NDUFA10: variants seen among roughly 807,000 people sequenced by gnomAD.
NDUFA10 encodes the protein NADH:ubiquinone oxidoreductase subunit A10.
Under a neutral mutation model 47.8 loss-of-function variants are expected in NDUFA10, and 40 were observed. The observed-to-expected ratio is 0.84, with a 90% CI of 0.65 to 1.09. The LOEUF (loss-of-function observed/expected upper bound fraction) is 1.09. NDUFA10 is among the 50% of genes least tolerant of loss of function. NDUFA10 has a pLI of 0.00. For synonymous variants in NDUFA10, 183 were observed against 172.2 expected (o/e 1.06, Z -0.49); for missense variants, 413 against 451.1 (o/e 0.92, Z 0.76).
chr2:240,005,037 T>G (rs144498642), intron 8 of NDUFA10, among the ~76,000 whole-genome samples, 173 bp downstream of exon 8: 233 of 152,258 alleles, frequency 1.5e-3, no homozygotes, highest in African/African-American at 5.5e-3. Context: ...ACTCAATAAA[T>G]TAAGTATCAG....
chr2:239,921,075 C>T (rs1273122118), intron 4 of NDUFA10, among the ~76,000 whole-genome samples: 6 of 152,086 alleles, frequency 3.9e-5, no homozygotes, highest in African/African-American at 1.4e-4. Flanking sequence ...AGTGTGTGAT[C>T]GTTTGTCAAT....
intron 8 of NDUFA10, among the ~76,000 whole-genome samples, chr2:239,992,226 G>A (rs1377235185): frequency 6.6e-6 from 1 of 152,186 alleles, no homozygotes; most frequent in East Asian, 1.9e-4. Flanking sequence ...ATTCAAAACT[G>A]ATTGAGGATA....
intron 9 of NDUFA10, among the ~76,000 whole-genome samples, chr2:239,964,919 AAACCCAC>A (rs1460544222): frequency 6.6e-6 from 1 of 152,164 alleles, no homozygotes; most frequent in Non-Finnish European, 1.5e-5. Flanking sequence ...AACCTGCTGC[AAACCCAC>A]ACGACGGCCA....
At position 240,018,553 on chromosome 2, in the gene NDUFA10, A is replaced by G. The variant is rs1309651691; in HGVS notation, c.547T>C (p.Cys183Arg). The G allele has an allele frequency of 5.6e-6, 9 of 1,614,128 alleles. No homozygotes were observed. The highest frequency in any genetic ancestry group is 7.6e-6 in the Non-Finnish European group (9 of 1,180,050). ...AAGTGGGTCTGCAATGCTGACTCAC[A>G]CTGCTTTCGGATGAATCCCTGGTTG... ...MYNQGFIRKQ[C>R]VDHYNEVKSV... The change falls in exon 4 of 10, where the codon TGT (cysteine) becomes CGT (arginine). Residue 183 changes from cysteine to arginine, a missense_variant and splice_region_variant. Coordinates refer to ENST00000252711, the MANE Select transcript of NDUFA10 (RefSeq NM_004544.4).
intron 4 of NDUFA10, among the ~76,000 whole-genome samples, chr2:239,907,106 A>G (rs1693668251): frequency 6.6e-6 from 1 of 152,176 alleles, no homozygotes; most frequent in South Asian, 2.1e-4. Context: ...ACAATACCAC[A>G]CATCTACAAC....
chr2:239,957,281 A>G (rs1177772492), downstream of NDUFA10: 1 of 152,272 alleles, frequency 6.6e-6, no homozygotes, highest in Non-Finnish European at 1.5e-5. Context: ...GTTCACTGTA[A>G]GAAAACCCAC....
chr2:239,954,434 T>G (rs933292479), downstream of NDUFA10, among the ~76,000 whole-genome samples: 1 of 152,270 alleles, frequency 6.6e-6, no homozygotes. Context: ...TGCTCTCCTG[T>G]GTCCTCACGC....
intron 4 of NDUFA10, among the ~76,000 whole-genome samples, chr2:239,909,532 G>C (rs933388155): frequency 3.9e-5 from 6 of 152,146 alleles, no homozygotes; most frequent in Non-Finnish European, 7.3e-5. Flanking sequence ...GGAATTGCTT[G>C]AACCCAGGAG....
rs1694425564 is a variant in NDUFA10, at chr2:239,945,131, T to C, written c.294+44943A>G. 6.6e-6 allele frequency among the ~76,000 whole-genome samples: 1 copy of C among 151,908 alleles called. No homozygotes were observed. The highest frequency in any genetic ancestry group is 1.5e-5 in the Non-Finnish European group (1 of 67,960). On this transcript the variant is annotated intron_variant, in intron 4 of 5. Transcript: ENST00000419408. The surrounding 1 kb of genome is among the most constrained non-coding windows in gnomAD (Gnocchi z 4.6). ...TCCTCTACAGAAACCCAGGCACGTG[T>C]ACAGCCATCAGAGCCCCGGCACCCC...
chr2:240,009,043 C>T (rs1697046433), intron 6 of NDUFA10, among the ~76,000 whole-genome samples: 1 of 152,174 alleles, frequency 6.6e-6, no homozygotes, highest in South Asian at 2.1e-4. Context: ...TCACGTGCAA[C>T]CTCAATGGTG....
At chr2:239,939,862 C>G (rs184515761) in intron 4 of NDUFA10, among the ~76,000 whole-genome samples, 1 of 152,362 alleles carries the variant, frequency 6.6e-6, no homozygotes, top group East Asian at 1.9e-4. Context: ...CATGGCCCCT[C>G]CTGGAACCGG....
chr2:239,970,862 CCTG>C (rs1695277606), intron 9 of NDUFA10, among the ~76,000 whole-genome samples: 1 of 152,226 alleles, frequency 6.6e-6, no homozygotes, highest in Admixed American at 6.5e-5. Flanking sequence ...GTGAATCTCA[CCTG>C]CTATTATATA....
rs868357212 is a variant in NDUFA10, at chr2:239,942,410, C to T, written c.295-47096G>A. Among the ~76,000 whole-genome samples the T allele has an allele frequency of 5.3e-5, 8 of 152,332 alleles. No individual in the cohort carries two copies. The South Asian group carries it at 6.2e-4, about 12-fold the overall frequency. Reference sequence around the variant, plus strand: ...TGGTCCAGGAGCCACACTTGGAGAACGATGGATTTCTGTCAATAGCAATTT... The same window carrying T: ...TGGTCCAGGAGCCACACTTGGAGAATGATGGATTTCTGTCAATAGCAATTT... On this transcript the variant is annotated intron_variant, in intron 4 of 5. Coordinates refer to the NDUFA10 transcript ENST00000419408.
chr2:240,000,278 C>G (rs962453169), intron 8 of NDUFA10, among the ~76,000 whole-genome samples: 1 of 152,162 alleles, frequency 6.6e-6, no homozygotes, highest in African/African-American at 2.4e-5. Context: ...CAGCTCCACG[C>G]GTGTTACTGC....
chr2:240,007,231 A>G, intron 7 of NDUFA10, 85 bp downstream of exon 7: 1 of 1,003,494 alleles, frequency 1.0e-6, no homozygotes, highest in Non-Finnish European at 1.6e-6. Context: ...GACCAGTGGG[A>G]ATCTAACTGA....
intron 8 of NDUFA10, among the ~76,000 whole-genome samples, chr2:239,995,279 G>GAA (rs567435007): frequency 6.8e-6 from 1 of 147,390 alleles, no homozygotes; most frequent in Non-Finnish European, 1.5e-5. Context: ...CTGTCTCAAA[G>GAA]AAAAAAAAAA....
At chr2:239,981,625 A>G (rs1340846239) in intron 9 of NDUFA10, among the ~76,000 whole-genome samples, 2 of 152,150 alleles carry the variant, frequency 1.3e-5, no homozygotes, top group Non-Finnish European at 2.9e-5. Context: ...TCAAAGCATT[A>G]CTCGTTTTCC....
intron 4 of NDUFA10, among the ~76,000 whole-genome samples, chr2:239,900,660 G>A (rs1261732536): frequency 6.6e-6 from 1 of 152,164 alleles, no homozygotes; most frequent in East Asian, 1.9e-4. Flanking sequence ...ACTGATGGGT[G>A]GGTGTAGAAC....
rs1181150194 is a variant in NDUFA10 at position 239,959,528 on chromosome 2, T to C, written c.*1590A>G. Reference sequence around the variant, plus strand: ...GCTTTCATTTCATGATTAAAGCTGTTGGTTTCCTAGTGAAATGCAAAACTT... The same window carrying C: ...GCTTTCATTTCATGATTAAAGCTGTCGGTTTCCTAGTGAAATGCAAAACTT... On this transcript the variant is annotated 3_prime_UTR_variant, in exon 10 of 10. Transcript: ENST00000252711. The C allele has an allele frequency of 1.0e-6, 1 of 985,388 alleles. No individual in the cohort carries two copies. Among genetic ancestry groups the C allele is most frequent in the Non-Finnish European group, 1.2e-6 (1 of 829,956 alleles). 61.0% of individuals were successfully genotyped at this position (985,388 alleles called of 1,614,324 possible). A position where few individuals can be genotyped will look rare whatever the true frequency, so the allele number is the denominator to read the frequency against.
Sources: allele counts gnomAD v4.1 joint callset (sites outside exome capture counted in the v4.1 genomes callset), GRCh38; gene constraint gnomAD v4.1.1; non-coding constraint Gnocchi (gnomAD v3.1); transcripts MANE v1.5; gene names NCBI Gene and HGNC (gene_info 2026-07-23, HGNC 2026-07-21).